Variants in ESR1 observed in about 807,000 individuals in gnomAD.
ESR1 encodes estrogen receptor.
Under a neutral mutation model 52.7 loss-of-function variants are expected in ESR1, and 12 were observed. The observed-to-expected ratio is 0.23, with a 90% CI of 0.15 to 0.37. The LOEUF (loss-of-function observed/expected upper bound fraction) is 0.37. Ranked by LOEUF, ESR1 falls within the 10% of genes least tolerant of loss-of-function variation. ESR1 has a pLI of 1.00. For missense variants in ESR1, 584 were observed against 779.7 expected (o/e 0.75, Z 2.99); for synonymous variants, 305 against 316.8 (o/e 0.96, Z 0.39).
chr6:151,827,940 C>T (rs1254606532), intron 1 of ESR1, among the ~76,000 whole-genome samples: 1 of 152,188 alleles, frequency 6.6e-6, no homozygotes. Flanking sequence ...GTCATCATCT[C>T]TCCAGCTAGA....
At chr6:151,877,896 A>G (rs113211125) in intron 2 of ESR1, among the ~76,000 whole-genome samples, 1,747 of 151,774 alleles carry the variant, frequency 0.012, 30 homozygotes, top group African/African-American at 0.04. Context: ...TGCAGCCTTG[A>G]CCTCCTGGGC....
intron 2 of ESR1, among the ~76,000 whole-genome samples, chr6:151,708,403 G>T (rs1780337295): frequency 6.6e-6 from 1 of 152,110 alleles, no homozygotes; most frequent in African/African-American, 2.4e-5. Context: ...TATATTCTTA[G>T]TAATTGGGGG....
intron 6 of ESR1, among the ~76,000 whole-genome samples, chr6:152,108,568 A>C (rs950239899): frequency 6.6e-6 from 1 of 152,154 alleles, no homozygotes; most frequent in Non-Finnish European, 1.5e-5. Context: ...TACCCTGTCC[A>C]TCCTTTATTT....
intron 3 of ESR1, among the ~76,000 whole-genome samples, chr6:151,933,620 A>G (rs1298108326): frequency 6.6e-6 from 1 of 152,188 alleles, no homozygotes; most frequent in Admixed American, 6.5e-5. Context: ...TTATTTTGAC[A>G]TACGTCCCAT....
chr6:152,059,085 C>T (rs1426964403), intron 5 of ESR1, among the ~76,000 whole-genome samples: 4 of 151,958 alleles, frequency 2.6e-5, no homozygotes, highest in African/African-American at 4.8e-5. Flanking sequence ...TACCTTACGC[C>T]AAAATAAATC....
At chr6:152,072,205 G>T (rs1311848692) in intron 6 of ESR1, among the ~76,000 whole-genome samples, 3 of 152,158 alleles carry the variant, frequency 2.0e-5, no homozygotes, top group African/African-American at 7.2e-5. Flanking sequence ...CTTCATTTTA[G>T]TATCTATATA....
intron 6 of ESR1, among the ~76,000 whole-genome samples, chr6:152,070,100 G>C (rs1453140516): frequency 7.3e-6 from 1 of 137,220 alleles, no homozygotes; most frequent in Non-Finnish European, 1.5e-5. Flanking sequence ...CAACCTTATA[G>C]GTTATGATGT....
upstream of ESR1, among the ~76,000 whole-genome samples, chr6:151,801,834 G>T (rs181746666): frequency 1.5e-3 from 221 of 152,328 alleles, 1 homozygote; most frequent in Admixed American, 3.5e-3. Flanking sequence ...GTCCTTTGAT[G>T]CCTAGTAACC....
chr6:151,948,692 C>T (rs1255084106), intron 4 of ESR1, among the ~76,000 whole-genome samples: 7 of 152,174 alleles, frequency 4.6e-5, no homozygotes, highest in African/African-American at 1.7e-4. Flanking sequence ...TTCAGGTTGC[C>T]TCCTTGCTCA....
At chr6:151,801,956 C>G (rs1777291254), upstream of ESR1, among the ~76,000 whole-genome samples, 1 of 152,110 alleles carries the variant, frequency 6.6e-6, no homozygotes, top group African/African-American at 2.4e-5. Flanking sequence ...TGCCACCTGG[C>G]CCAGATGGTG....
At chr6:151,894,515 T>G (rs1795172074) in intron 3 of ESR1, among the ~76,000 whole-genome samples, 1 of 152,218 alleles carries the variant, frequency 6.6e-6, no homozygotes, top group South Asian at 2.1e-4. Flanking sequence ...ATTTTATGGT[T>G]CCAGGTCTTA....
Position 151,918,393 on chromosome 6 carries a change from G to T in ESR1, c.761-25780G>T, listed in dbSNP as rs143066734. Among the ~76,000 whole-genome samples, 300 of 152,342 alleles carry T rather than the reference G, an allele frequency of 2.0e-3. 1 individual carries two copies. The highest frequency in any genetic ancestry group is 3.1e-3 in the Non-Finnish European group (213 of 68,028). On this transcript the variant is annotated intron_variant, in intron 3 of 7. Transcript: ENST00000206249. ...TAATGTGCCCTTTGCACCCCCAGGA[G>T]AAATCATTGCTCATCTGTGCCTAAG...
At chr6:151,939,930 T>A (rs2034853139) in intron 3 of ESR1, among the ~76,000 whole-genome samples, 1 of 152,184 alleles carries the variant, frequency 6.6e-6, no homozygotes, top group Non-Finnish European at 1.5e-5. Context: ...TATTTTTGTT[T>A]TGTTTGTATA....
At position 152,093,060 on chromosome 6, in the gene ESR1, C is replaced by G. The variant is rs530521839; in HGVS notation, c.1370-1325C>G. Among the ~76,000 whole-genome samples, 140 of 152,172 alleles carry G rather than the reference C, an allele frequency of 9.2e-4. 1 individual carries two copies. Among genetic ancestry groups the G allele is most frequent in the Middle Eastern group, 3.4e-3 (1 of 294 alleles). On this transcript the variant is annotated intron_variant, in intron 6 of 7. Transcript: ENST00000206249. The stretch of plus-strand genomic sequence containing the variant: ...TTGGGAGGCCGAGGCAGGTGGGTCA[C>G]AAGGTCAGGAGTTCAAGACCAGCCT...
intron 4 of ESR1, among the ~76,000 whole-genome samples, chr6:151,979,525 A>G (rs2039793014): frequency 6.6e-6 from 1 of 152,190 alleles, no homozygotes; most frequent in Non-Finnish European, 1.5e-5. Flanking sequence ...TTAATGCCAT[A>G]AAACTGTGAC....
intron 1 of ESR1, among the ~76,000 whole-genome samples, chr6:151,814,433 T>C (rs1464826412): frequency 2.6e-5 from 4 of 152,204 alleles, no homozygotes; most frequent in Non-Finnish European, 5.9e-5. Context: ...TTTTCTGTTT[T>C]AGTTGTTCCA....
intron 2 of ESR1, among the ~76,000 whole-genome samples, chr6:151,863,998 T>C (rs1360600945): frequency 6.6e-6 from 1 of 152,150 alleles, no homozygotes; most frequent in Non-Finnish European, 1.5e-5. Context: ...GACATAGGCA[T>C]GGGCAAGGAC....
At chr6:151,863,504 A>G (rs554013367) in intron 2 of ESR1, among the ~76,000 whole-genome samples, 4 of 152,116 alleles carry the variant, frequency 2.6e-5, no homozygotes, top group African/African-American at 4.8e-5. Flanking sequence ...GTATCCTGAG[A>G]CTTTGCTGAA....
At chr6:151,772,254 G>T (rs530665165) in intron 2 of ESR1, among the ~76,000 whole-genome samples, 2 of 152,254 alleles carry the variant, frequency 1.3e-5, no homozygotes, top group Admixed American at 1.3e-4. Flanking sequence ...GTTGTCCTGG[G>T]CACTGTGACA....
Sources: gnomAD v4.1 joint callset for allele counts (sites outside exome capture counted in the v4.1 genomes callset) on GRCh38, gnomAD v4.1.1 for gene constraint, MANE v1.5 for transcripts, NCBI Gene and HGNC (gene_info 2026-07-23, HGNC 2026-07-21) for gene names.